The following EPS8 variants were observed in gnomAD, a reference collection of about 807,000 sequenced individuals.
EPS8 encodes epidermal growth factor receptor kinase substrate 8.
Under a neutral mutation model 103.8 loss-of-function variants are expected in EPS8, and 42 were observed. The observed-to-expected ratio is 0.40, with a 90% CI of 0.32 to 0.52. The LOEUF (loss-of-function observed/expected upper bound fraction) is 0.52. Among genes scored for constraint, EPS8 ranks in the 20% least tolerant of loss-of-function variants. The pLI, the probability that EPS8 is intolerant of heterozygous loss-of-function variation, is 0.40. For missense variants in EPS8, 969 were observed against 1,005.1 expected, an observed-to-expected ratio of 0.96 and a Z score of 0.49; for synonymous variants, 344 against 344.6, an observed-to-expected ratio of 1.00 and a Z score of 0.02.
At chr12:15,641,919 A>C in intron 15 of EPS8, 89 bp from the exon 16 acceptor site, 1 of 548,516 alleles carries the variant, frequency 1.8e-6, no homozygotes, top group Non-Finnish European at 3.0e-6. Context: ...AAATCCTACC[A>C]GAAAACTTTC....
intron 1 of EPS8, among the ~76,000 whole-genome samples, chr12:15,786,596 C>T (rs1947313774): frequency 6.6e-6 from 1 of 151,968 alleles, no homozygotes; most frequent in African/African-American, 2.4e-5. Flanking sequence ...AGAGGGGAAG[C>T]TGGTATGGGG....
At chr12:15,631,250 G>A (rs1488478300) in intron 18 of EPS8, among the ~76,000 whole-genome samples, 192 bp downstream of exon 18, 1 of 152,156 alleles carries the variant, frequency 6.6e-6, no homozygotes, top group East Asian at 1.9e-4. Context: ...ATGCATTAGA[G>A]AGTGGAGAGA....
chr12:15,638,735 A>C (rs533882471), intron 17 of EPS8, among the ~76,000 whole-genome samples: 66 of 152,362 alleles, frequency 4.3e-4, no homozygotes, highest in African/African-American at 1.5e-3. Context: ...AAGTTGACAA[A>C]AATAAAAGAT....
At chr12:15,663,976 T>TATACACACAC (rs35142421) in intron 8 of EPS8, among the ~76,000 whole-genome samples, 1 of 104,464 alleles carries the variant, frequency 9.6e-6, no homozygotes, top group African/African-American at 3.5e-5. Context: ...TATATATATA[T>TATACACACAC]ACACACACAC....
rs140035297 is a variant in EPS8, at chr12:15,714,788, G to C, written c.-21-31816C>G. On this transcript the variant is annotated intron_variant, in intron 1 of 20. Transcript: ENST00000281172. This position sits in a 1 kb window ranked among gnomAD's most constrained non-coding sequence, Gnocchi z 4.1. ...TCATCAGGTTTCTATAACTTTAAAA[G>C]TGAAAAGCATCACTATAAATAGAAT... Among the ~76,000 whole-genome samples, 14 of 152,278 alleles carry C rather than the reference G, an allele frequency of 9.2e-5. No individual in the cohort carries two copies. The East Asian group carries it at 2.5e-3, about 27-fold the overall frequency.
intron 17 of EPS8, among the ~76,000 whole-genome samples, chr12:15,632,385 A>G (rs2135733246): frequency 6.6e-6 from 1 of 152,342 alleles, no homozygotes; most frequent in African/African-American, 2.4e-5. Flanking sequence ...ATTGTTAGGC[A>G]TACTTATAAA....
intron 2 of EPS8, among the ~76,000 whole-genome samples, chr12:15,681,833 G>A (rs923683814): frequency 6.6e-6 from 1 of 150,644 alleles, no homozygotes; most frequent in Non-Finnish European, 1.5e-5. Context: ...AATATGTTAT[G>A]TGAAATAAAT....
At chr12:15,709,191 A>G (rs1358838961) in intron 1 of EPS8, among the ~76,000 whole-genome samples, 1 of 152,230 alleles carries the variant, frequency 6.6e-6, no homozygotes, top group Admixed American at 6.5e-5. Context: ...CCTCTAACCC[A>G]TCATAGTAAG....
Position 15,760,234 on chromosome 12 carries a change from C to T in EPS8, c.-22+28927G>A, listed in dbSNP as rs1289927549. ...TGGACAAATTCCTAGACACACACAA[C>T]CTACTAAGATTGAACTATGAAGAAA... On this transcript the variant is annotated intron_variant, in intron 1 of 20. Coordinates refer to ENST00000281172, the MANE Select transcript of EPS8 (RefSeq NM_004447.6). This position sits in a 1 kb window ranked among gnomAD's most constrained non-coding sequence, Gnocchi z 4.5. Among the ~76,000 whole-genome samples the T allele has an allele frequency of 6.6e-6, 1 of 151,880 alleles. No homozygotes were observed. The highest frequency in any genetic ancestry group is 2.4e-5 in the African/African-American group (1 of 41,388).
At chr12:15,703,678 C>T (rs1168436918) in intron 1 of EPS8, among the ~76,000 whole-genome samples, 1 of 151,100 alleles carries the variant, frequency 6.6e-6, no homozygotes, top group Non-Finnish European at 1.5e-5. Context: ...GAGTAACAAT[C>T]ATATTACTAA....
intron 1 of EPS8, among the ~76,000 whole-genome samples, chr12:15,732,200 G>A (rs1946724165): frequency 6.6e-6 from 1 of 152,154 alleles, no homozygotes; most frequent in East Asian, 1.9e-4. Flanking sequence ...ATCTTAACGA[G>A]ATGAATGGTG....
intron 14 of EPS8, among the ~76,000 whole-genome samples, chr12:15,650,135 G>C (rs1490771732): frequency 6.6e-6 from 1 of 152,092 alleles, no homozygotes; most frequent in Non-Finnish European, 1.5e-5. Flanking sequence ...TTCCCAAATA[G>C]GTTATACTCT....
chr12:15,623,076 A>C, intron 20 of EPS8, 82 bp downstream of exon 20: 26 of 1,286,986 alleles, frequency 2.0e-5, no homozygotes, highest in East Asian at 2.5e-5. Flanking sequence ...AAGAAAGGGA[A>C]ATTGGCCAAT....
At chr12:15,632,672 C>T (rs1396403719) in intron 17 of EPS8, among the ~76,000 whole-genome samples, 1 of 152,174 alleles carries the variant, frequency 6.6e-6, no homozygotes, top group Non-Finnish European at 1.5e-5. Flanking sequence ...ACAGTATTTA[C>T]TTTTAAATTC....
chr12:15,722,180 G>A (rs1591895816), intron 1 of EPS8, among the ~76,000 whole-genome samples: 1 of 147,268 alleles, frequency 6.8e-6, no homozygotes, highest in Non-Finnish European at 1.5e-5. Context: ...ATACACTAAC[G>A]ATAGCTGATG....
At chr12:15,763,503 C>G (rs907613496) in intron 1 of EPS8, among the ~76,000 whole-genome samples, 3 of 152,148 alleles carry the variant, frequency 2.0e-5, no homozygotes, top group Admixed American at 6.5e-5. Context: ...GGAGAGTTGA[C>G]AGCAAGGCAA....
rs1946262185 is a variant in EPS8, at chr12:15,697,813, G to A, written c.-21-14841C>T. On this transcript the variant is annotated intron_variant, in intron 1 of 20. Transcript: ENST00000281172. This position sits in a 1 kb window ranked among gnomAD's most constrained non-coding sequence, Gnocchi z 5.6. ...GAACTGGATTCTGAAAGTTTAGGGAGTCCAAGCAGTAGATGATCAGGATTA... is the reference window on the plus strand; with the variant it reads ...GAACTGGATTCTGAAAGTTTAGGGAATCCAAGCAGTAGATGATCAGGATTA... Among the ~76,000 whole-genome samples the A allele has an allele frequency of 6.6e-6, 1 of 152,142 alleles. No homozygotes were observed. Among genetic ancestry groups the A allele is most frequent in the South Asian group, 2.1e-4 (1 of 4,832 alleles).
rs1267306319 is a variant in EPS8, at chr12:15,752,771, G to A, written c.-22+36390C>T. On this transcript the variant is annotated intron_variant, in intron 1 of 20. Transcript: ENST00000281172. The surrounding 1 kb of genome is among the most constrained non-coding windows in gnomAD (Gnocchi z 4.4). ...GATAAAAATAGTAGGAAAATTAATT[G>A]TAATAACAGTAATAATTGTAATGCC... 1.3e-5 allele frequency among the ~76,000 whole-genome samples: 2 copies of A among 152,000 alleles called. No individual in the cohort carries two copies. The highest frequency in any genetic ancestry group is 4.8e-5 in the African/African-American group (2 of 41,334).
At chr12:15,625,038 T>A (rs543075483) in intron 18 of EPS8, among the ~76,000 whole-genome samples, 1 of 152,340 alleles carries the variant, frequency 6.6e-6, no homozygotes, top group East Asian at 1.9e-4. Context: ...TAGACAAGTA[T>A]TGAATATATT....
Sources: allele counts gnomAD v4.1 joint callset (sites outside exome capture counted in the v4.1 genomes callset), GRCh38; gene constraint gnomAD v4.1.1; non-coding constraint Gnocchi (gnomAD v3.1); transcripts MANE v1.5; gene names NCBI Gene and HGNC (gene_info 2026-07-23, HGNC 2026-07-21).